CSMD1: variants seen among roughly 807,000 people sequenced by gnomAD.
CSMD1 encodes the protein CUB and Sushi multiple domains 1.
CSMD1 carries 213 observed loss-of-function variants against 417.5 expected under a neutral mutation model. That is an observed-to-expected ratio of 0.51 (90% CI 0.46 to 0.57). CSMD1 has a LOEUF of 0.57. Ranked by LOEUF, CSMD1 falls within the 20% of genes least tolerant of loss-of-function variation. CSMD1 has a pLI of 0.00. For synonymous variants in CSMD1, 2,862 were observed against 1,736.8 expected (o/e 1.65, Z -16.11); for missense variants, 6,923 against 4,529.7 (o/e 1.53, Z -15.17).
chr8:4,634,321 T>A (rs1802704900), intron 2 of CSMD1, among the ~76,000 whole-genome samples: 1 of 152,202 alleles, frequency 6.6e-6, no homozygotes, highest in South Asian at 2.1e-4. Flanking sequence ...CATCAATAAT[T>A]CTAAAGTATA....
At chr8:4,193,619 T>A (rs777261548) in intron 3 of CSMD1, among the ~76,000 whole-genome samples, 2 of 152,022 alleles carry the variant, frequency 1.3e-5, no homozygotes, top group East Asian at 3.9e-4. Context: ...GAGGAGCCAA[T>A]GAGTGTGCTG....
chr8:4,282,435 G>A (rs1796839394), intron 3 of CSMD1, among the ~76,000 whole-genome samples: 1 of 152,106 alleles, frequency 6.6e-6, no homozygotes, highest in Non-Finnish European at 1.5e-5. Flanking sequence ...CTCCAAGCAA[G>A]GTCCTATTGC....
At chr8:3,981,356 G>C (rs992058939) in intron 5 of CSMD1, among the ~76,000 whole-genome samples, 1 of 152,082 alleles carries the variant, frequency 6.6e-6, no homozygotes, top group Non-Finnish European at 1.5e-5. Flanking sequence ...AAGAGTGGAA[G>C]GGGGGTGAAG....
intron 1 of CSMD1, among the ~76,000 whole-genome samples, chr8:4,656,153 A>C (rs906028804): frequency 6.6e-6 from 1 of 152,040 alleles, no homozygotes; most frequent in Admixed American, 6.5e-5. Flanking sequence ...AGCAAGGATT[A>C]AAGGGAATGA....
intron 8 of CSMD1, among the ~76,000 whole-genome samples, chr8:3,595,744 A>G (rs563118632): frequency 6.6e-6 from 1 of 152,362 alleles, no homozygotes; most frequent in East Asian, 1.9e-4. Flanking sequence ...TTATAAGTTC[A>G]TGTAAACCTG....
chr8:3,360,832 G>A (rs1004766876), intron 20 of CSMD1, among the ~76,000 whole-genome samples: 4 of 150,146 alleles, frequency 2.7e-5, no homozygotes, highest in Non-Finnish European at 4.4e-5. Flanking sequence ...TTTCCCCTTA[G>A]TATTCCTCAA....
intron 1 of CSMD1, among the ~76,000 whole-genome samples, chr8:4,743,336 G>A (rs549381149): frequency 1.3e-5 from 2 of 152,098 alleles, no homozygotes; most frequent in African/African-American, 4.8e-5. Context: ...ACACTAAATG[G>A]ACAAAAACCA....
At chr8:3,502,082 C>A (rs142229678) in intron 10 of CSMD1, among the ~76,000 whole-genome samples, 13 of 152,112 alleles carry the variant, frequency 8.5e-5, no homozygotes, top group Middle Eastern at 3.4e-3. Flanking sequence ...AATTTAACAC[C>A]AACAGCTAAA....
chr8:4,510,475 G>C (rs1243824410), intron 2 of CSMD1, among the ~76,000 whole-genome samples: 4 of 139,394 alleles, frequency 2.9e-5, no homozygotes, highest in East Asian at 4.3e-4. Flanking sequence ...CAAGGGAAGA[G>C]ACTTCCTCTT....
At chr8:4,067,273 C>T (rs146729463) in intron 3 of CSMD1, among the ~76,000 whole-genome samples, 66 of 152,150 alleles carry the variant, frequency 4.3e-4, no homozygotes, top group African/African-American at 1.5e-3. Context: ...GAATCATAGC[C>T]GAGATAGAAT....
At chr8:4,224,776 C>T (rs988574559) in intron 3 of CSMD1, among the ~76,000 whole-genome samples, 9 of 152,156 alleles carry the variant, frequency 5.9e-5, no homozygotes, top group South Asian at 2.1e-4. Flanking sequence ...GTACTCAAAA[C>T]TCTTAAAATG....
At chr8:3,921,465 C>T (rs935057053) in intron 5 of CSMD1, among the ~76,000 whole-genome samples, 1 of 151,944 alleles carries the variant, frequency 6.6e-6, no homozygotes, top group Admixed American at 6.6e-5. Context: ...TTTCCTAGTT[C>T]AGTGAGGTGT....
At chr8:4,959,906 C>A (rs1809366083) in intron 1 of CSMD1, among the ~76,000 whole-genome samples, 1 of 152,160 alleles carries the variant, frequency 6.6e-6, no homozygotes, top group South Asian at 2.1e-4. Context: ...CAACAACAAT[C>A]TTCCCTATTT....
chr8:3,338,018 T>C (rs929412991), intron 23 of CSMD1, among the ~76,000 whole-genome samples: 1 of 152,182 alleles, frequency 6.6e-6, no homozygotes, highest in Admixed American at 6.5e-5. Context: ...TGGCAGATGC[T>C]TTTATTTCCC....
chr8:3,684,296 AAT>A (rs1491301848), intron 7 of CSMD1, among the ~76,000 whole-genome samples: 6 of 144,472 alleles, frequency 4.2e-5, no homozygotes, highest in Non-Finnish European at 7.5e-5. Context: ...ATAATATATA[AAT>A]TATATATTAT....
At chr8:4,373,520 C>G (rs11989934) in intron 3 of CSMD1, among the ~76,000 whole-genome samples, 2 of 152,258 alleles carry the variant, frequency 1.3e-5, no homozygotes, top group South Asian at 2.1e-4. Flanking sequence ...ACTTTCAGAA[C>G]TACTGCATTA....
At chr8:3,077,704 T>C (rs1465191405) in intron 49 of CSMD1, among the ~76,000 whole-genome samples, 2 of 152,244 alleles carry the variant, frequency 1.3e-5, no homozygotes, top group Non-Finnish European at 2.9e-5. Flanking sequence ...CGACCCCGGC[T>C]TGCCTACACA....
intron 5 of CSMD1, among the ~76,000 whole-genome samples, chr8:3,825,672 T>G (rs950751562): frequency 6.6e-6 from 1 of 152,128 alleles, no homozygotes; most frequent in Non-Finnish European, 1.5e-5. Flanking sequence ...AGTTTTACTC[T>G]CTAGGCTCAA....
intron 1 of CSMD1, among the ~76,000 whole-genome samples, chr8:4,663,946 G>C (rs796508790): frequency 3.3e-4 from 51 of 152,284 alleles, no homozygotes; most frequent in African/African-American, 1.1e-3. Context: ...ATGGAAATTG[G>C]AAAGCTAATC....
Sources: allele counts gnomAD v4.1 joint callset (sites outside exome capture counted in the v4.1 genomes callset), GRCh38; gene constraint gnomAD v4.1.1; transcripts MANE v1.5; gene names NCBI Gene and HGNC (gene_info 2026-07-23, HGNC 2026-07-21).